The following TUB variants were observed in gnomAD, a reference collection of about 807,000 sequenced individuals.
TUB encodes the protein TUB bipartite transcription factor, also known as tubby protein homolog.
In TUB, 33 loss-of-function variants were observed where a neutral mutation model predicts 59.7. That is an observed-to-expected ratio of 0.55 (90% CI 0.42 to 0.74). The LOEUF is 0.74. Among genes scored for constraint, TUB ranks in the 30% least tolerant of loss-of-function variants. The probability of loss-of-function intolerance (pLI) is 0.00; values close to 1 mark genes in which losing one functional copy is unlikely to be tolerated. For missense variants in TUB, 659 were observed against 672.0 expected, an observed-to-expected ratio of 0.98 and a Z score of 0.21; for synonymous variants, 293 against 256.4, an observed-to-expected ratio of 1.14 and a Z score of -1.36.
At chr11:8,050,527 T>C (rs1012957054) in intron 2 of TUB, among the ~76,000 whole-genome samples, 2 of 152,252 alleles carry the variant, frequency 1.3e-5, no homozygotes, top group African/African-American at 4.8e-5. Flanking sequence ...GTGTTGCATG[T>C]GGTCTTGTGG....
intron 2 of TUB, among the ~76,000 whole-genome samples, chr11:8,063,797 C>T (rs971732206): frequency 8.5e-5 from 13 of 152,164 alleles, no homozygotes; most frequent in African/African-American, 2.7e-4. Context: ...ATATTGAGCC[C>T]GTTTACTGTG....
rs143365151 is a variant in TUB at position 8,027,188 on chromosome 11, T to G, written c.56+7830T>G. Among the ~76,000 whole-genome samples, 1,075 of 152,334 alleles carry G rather than the reference T, an allele frequency of 7.1e-3. 15 individuals are homozygous for G. Among genetic ancestry groups the G allele is most frequent in the African/African-American group, 0.025 (1,024 of 41,578 alleles). ...GTGGCATCAGTTACATTCACAGTAT[T>G]GTGCAACCATCACCACTATCTATTT... On this transcript the variant is annotated intron_variant, in intron 1 of 11. Transcript: ENST00000534099.
In TUB at chr11:8,094,040, G is replaced by A. The variant is rs771758004; in HGVS notation, c.254-6G>A. ...CTCTCTCCATCTGGGGATGTTTCCT[G>A]AGCAGTTCAAGAGGCCGACTCACTC... is the stretch of plus-strand genomic sequence containing the variant. On this transcript the variant is annotated splice_region_variant and splice_polypyrimidine_tract_variant and intron_variant, in intron 3 of 11. Transcript: ENST00000299506. 9 of 1,614,138 alleles carry A rather than the reference G, an allele frequency of 5.6e-6. No homozygotes were observed. The highest frequency in any genetic ancestry group is 1.7e-5 in the Admixed American group (1 of 60,024).
chr11:8,088,629 T>C (rs1463195752), intron 1 of TUB, among the ~76,000 whole-genome samples: 1 of 152,252 alleles, frequency 6.6e-6, no homozygotes, highest in Non-Finnish European at 1.5e-5. Flanking sequence ...CAGGGCCGCC[T>C]GGGGCTTCCC....
intron 5 of TUB, among the ~76,000 whole-genome samples, 194 bp downstream of exon 5, chr11:8,095,859 T>G (rs1253653597): frequency 6.6e-6 from 1 of 152,218 alleles, no homozygotes; most frequent in Non-Finnish European, 1.5e-5. Context: ...AGGCCCTGAT[T>G]TGGGGGCAGA....
intron 1 of TUB, among the ~76,000 whole-genome samples, chr11:8,033,308 C>A (rs1942602298): frequency 6.6e-6 from 1 of 152,200 alleles, no homozygotes; most frequent in South Asian, 2.1e-4. Flanking sequence ...GAAACTCCGG[C>A]GCCCGAAGAC....
chr11:8,030,740 G>A (rs904102856), intron 1 of TUB, among the ~76,000 whole-genome samples: 5 of 152,112 alleles, frequency 3.3e-5, no homozygotes, highest in African/African-American at 4.8e-5. Context: ...CGGGGGAAGC[G>A]GTCCCTGGAT....
At chr11:8,080,236 G>A (rs1943522070), upstream of TUB, among the ~76,000 whole-genome samples, 1 of 152,222 alleles carries the variant, frequency 6.6e-6, no homozygotes, top group South Asian at 2.1e-4. Context: ...ACACGAGGAC[G>A]CCCACGGGGC....
At chr11:8,084,934 G>A (rs762903920) in intron 1 of TUB, among the ~76,000 whole-genome samples, 2 of 152,156 alleles carry the variant, frequency 1.3e-5, no homozygotes, top group African/African-American at 4.8e-5. Flanking sequence ...CCTGCCACAC[G>A]GCCTCCCATC....
At position 8,097,434 on chromosome 11, in the gene TUB, G is replaced by C; in HGVS notation, c.885+9G>C. 6.2e-7 allele frequency: 1 copy of C among 1,614,218 alleles called. No individual in the cohort carries two copies. The highest frequency in any genetic ancestry group is 8.5e-7 in the Non-Finnish European group (1 of 1,180,038). On this transcript the variant is annotated intron_variant, in intron 7 of 11. Coordinates refer to ENST00000299506, the MANE Select transcript of TUB (RefSeq NM_177972.3). ...GTGAGGATGGGAAGAAGGTAAGGTT[G>C]GTCTGGGCATGTTATCATCTAGGCT...
At chr11:8,054,574 C>T (rs1942987204) in intron 2 of TUB, among the ~76,000 whole-genome samples, 1 of 152,228 alleles carries the variant, frequency 6.6e-6, no homozygotes, top group Admixed American at 6.5e-5. Flanking sequence ...CACCTGCATG[C>T]CATGTCATCT....
chr11:8,030,925 C>T (rs568358048), intron 1 of TUB, among the ~76,000 whole-genome samples: 40 of 152,200 alleles, frequency 2.6e-4, no homozygotes, highest in Non-Finnish European at 5.0e-4. Flanking sequence ...CACAGTGTCC[C>T]GAAAGGACAC....
intron 2 of TUB, among the ~76,000 whole-genome samples, chr11:8,059,319 G>A (rs11823329): frequency 0.23 from 35,645 of 152,044 alleles, 4,697 homozygotes; most frequent in African/African-American, 0.33. Flanking sequence ...ACATCCAGTC[G>A]CAGTTAGTTA....
At chr11:8,043,398 A>G (rs1306389810) in intron 2 of TUB, among the ~76,000 whole-genome samples, 1 of 152,084 alleles carries the variant, frequency 6.6e-6, no homozygotes, top group South Asian at 2.1e-4. Flanking sequence ...TTGTTTGGCT[A>G]TTCTGTATCC....
intron 4 of TUB, 98 bp from the exon 5 acceptor site, chr11:8,095,399 GT>G (rs1409683180): frequency 2.3e-6 from 3 of 1,315,274 alleles, no homozygotes; most frequent in Non-Finnish European, 3.1e-6. Flanking sequence ...TTTGCAGAGG[GT>G]TTCCCCACTC....
intron 2 of TUB, among the ~76,000 whole-genome samples, chr11:8,061,549 C>T (rs747914131): frequency 5.3e-5 from 8 of 152,146 alleles, no homozygotes; most frequent in Non-Finnish European, 1.2e-4. Context: ...CAGCTTTGCA[C>T]ACCCCTTGCC....
At chr11:8,086,087 T>C (rs142989212) in intron 1 of TUB, among the ~76,000 whole-genome samples, 5,805 of 152,214 alleles carry the variant, frequency 0.038, 314 homozygotes, top group Admixed American at 0.16. Context: ...CAGCAGGAGG[T>C]GCCCGTGATG....
chr11:8,076,338 G>A (rs930431816), upstream of TUB: 2 of 152,190 alleles, frequency 1.3e-5, no homozygotes, highest in African/African-American at 2.4e-5. Flanking sequence ...TGGCTTTGAG[G>A]TGAAGGTGAT....
At position 8,097,236 on chromosome 11, in the gene TUB, C is replaced by T. The variant is rs765499125; in HGVS notation, c.696C>T (p.Ala232=). The T allele has an allele frequency of 1.2e-6, 2 of 1,614,088 alleles. No individual in the cohort carries two copies. The highest frequency in any genetic ancestry group is 2.2e-5 in the East Asian group (1 of 44,882). Residue 232 remains alanine, a synonymous_variant, in exon 7 of 12, where the codon GCC becomes GCT. Coordinates refer to ENST00000299506, the MANE Select transcript of TUB (RefSeq NM_177972.3). ...ATTCTGCATCCCCATAGGAGGCAGC[C>T]TCAGCCCCTAGCCCAACAGCTCCAG... The part of the protein sequence containing the change: ...ATSRKSVREA[A]SAPSPTAPEQ...
Sources: allele counts gnomAD v4.1 joint callset (sites outside exome capture counted in the v4.1 genomes callset), GRCh38; gene constraint gnomAD v4.1.1; transcripts MANE v1.5; gene names NCBI Gene and HGNC (gene_info 2026-07-23, HGNC 2026-07-21).